CDH23: variants seen among roughly 807,000 people sequenced by gnomAD.
CDH23 encodes the protein cadherin-23.
A neutral mutation model predicts 317.1 loss-of-function variants in CDH23; 189 were observed. The ratio of observed to expected loss-of-function variants is 0.60; its 90% CI spans 0.53 to 0.67. The LOEUF is 0.67. CDH23 is among the 30% of genes least tolerant of loss of function. The probability of loss-of-function intolerance (pLI) is 0.00; values close to 1 mark genes in which losing one functional copy is unlikely to be tolerated. For synonymous variants in CDH23, 1,839 were observed against 1,876.8 expected (o/e 0.98, Z 0.52); for missense variants, 4,401 against 4,592.4 (o/e 0.96, Z 1.20).
chr10:71,443,367 G>T (rs1329110456), intron 2 of CDH23, among the ~76,000 whole-genome samples: 1 of 152,218 alleles, frequency 6.6e-6, no homozygotes, highest in African/African-American at 2.4e-5. Flanking sequence ...TCCCAGATCA[G>T]GTCCCCTGGA....
At chr10:71,480,973 T>C (rs1363902568) in intron 3 of CDH23, among the ~76,000 whole-genome samples, 1 of 152,152 alleles carries the variant, frequency 6.6e-6, no homozygotes, top group South Asian at 2.1e-4. Flanking sequence ...AGTTCCATTT[T>C]AGACTTGCTG....
At chr10:71,448,032 G>A (rs1850254496) in intron 3 of CDH23, among the ~76,000 whole-genome samples, 1 of 152,206 alleles carries the variant, frequency 6.6e-6, no homozygotes, top group African/African-American at 2.4e-5. Flanking sequence ...GAGCAGGTGG[G>A]CCACTGAGGC....
chr10:71,754,773 G>A (rs1299338044), intron 38 of CDH23, among the ~76,000 whole-genome samples: 1 of 152,106 alleles, frequency 6.6e-6, no homozygotes, highest in African/African-American at 2.4e-5. Flanking sequence ...TTTATTATAT[G>A]GTGGACTTCT....
intron 6 of CDH23, among the ~76,000 whole-genome samples, chr10:71,543,425 T>C (rs1856095190): frequency 6.6e-6 from 1 of 152,226 alleles, no homozygotes; most frequent in African/African-American, 2.4e-5. Flanking sequence ...CTGATGGTAA[T>C]GACCTCTCCA....
intron 43 of CDH23, 89 bp from the exon 44 acceptor site, chr10:71,785,542 G>T (rs990851602): frequency 4.4e-5 from 38 of 866,646 alleles, no homozygotes; most frequent in Non-Finnish European, 6.4e-5. Flanking sequence ...GGCAATTTAG[G>T]GAGGCCAAGC....
chr10:71,528,088 G>A (rs1855144219), intron 6 of CDH23, among the ~76,000 whole-genome samples: 1 of 152,192 alleles, frequency 6.6e-6, no homozygotes, highest in East Asian at 1.9e-4. Context: ...CAAAGGGTGT[G>A]TAATGGCATG....
Position 71,732,294 on chromosome 10 carries a change from C to T in CDH23, c.4023C>T (p.Asp1341=), listed in dbSNP as rs1331714787. ...TGCGGGTCCAGGCCTACTCCATCGACAACCTCAACCAAATCACGTACCGCT... is the reference window on the plus strand; with the variant it reads ...TGCGGGTCCAGGCCTACTCCATCGATAACCTCAACCAAATCACGTACCGCT... The part of the protein sequence containing the change: ...EIVRVQAYSI[D]NLNQITYRFN... The change falls in exon 32 of 70, where the codon GAC becomes GAT. Residue 1341 remains aspartate (D), a synonymous_variant. Coordinates refer to ENST00000224721, the MANE Select transcript of CDH23 (RefSeq NM_022124.6). The T allele has an allele frequency of 1.2e-6, 2 of 1,612,460 alleles. No homozygotes were observed. Among genetic ancestry groups the T allele is most frequent in the Non-Finnish European group, 1.7e-6 (2 of 1,179,112 alleles).
chr10:71,702,027 G>A lies in CDH23; in HGVS notation c.2403G>A (p.Val801=), dbSNP rs1865607505. The change falls in exon 23 of 70, where the codon GTG becomes GTA. Residue 801 remains valine (V), a synonymous_variant. Transcript: ENST00000224721. ...TPPDSDVTTV[V]AVDPDLGENG... ...GTCTGCTCCCTCCCGGGCAGGTGGT[G>A]GCTGTTGACCCAGACCTGGGGGAGA... 1.9e-6 allele frequency: 3 copies of A among 1,613,590 alleles called. No individual in the cohort carries two copies. Among genetic ancestry groups the A allele is most frequent in the Non-Finnish European group, 2.5e-6 (3 of 1,179,872 alleles).
At chr10:71,780,501 C>T (rs1483739157) in intron 41 of CDH23, among the ~76,000 whole-genome samples, 1 of 152,124 alleles carries the variant, frequency 6.6e-6, no homozygotes, top group Non-Finnish European at 1.5e-5. Context: ...TGGAAAGGCA[C>T]TGAGGTTGGA....
chr10:71,695,569 A>C, intron 22 of CDH23, 44 bp downstream of exon 22: 1 of 1,391,950 alleles, frequency 7.2e-7, no homozygotes, highest in Non-Finnish European at 1.0e-6. Context: ...GGCCCTTCCC[A>C]GGGGTCTGTG....
intron 11 of CDH23, among the ~76,000 whole-genome samples, chr10:71,627,696 G>A (rs12246759): frequency 0.067 from 10,227 of 152,162 alleles, 1,142 homozygotes; most frequent in African/African-American, 0.23. Context: ...CATCTTTCAT[G>A]TTGGATTTGG....
chr10:71,658,861 T>A (rs1281920240), intron 14 of CDH23, among the ~76,000 whole-genome samples: 1 of 151,966 alleles, frequency 6.6e-6, no homozygotes, highest in East Asian at 1.9e-4. Context: ...CCTTTTGGAG[T>A]CAGCTGTCTC....
intron 3 of CDH23, among the ~76,000 whole-genome samples, chr10:71,491,053 T>C (rs1852628191): frequency 6.6e-6 from 1 of 152,176 alleles, no homozygotes; most frequent in Non-Finnish European, 1.5e-5. Flanking sequence ...TAACCAGTCT[T>C]GGCTCCCCCA....
At chr10:71,695,591 GC>G in intron 22 of CDH23, 66 bp downstream of exon 22, 7 of 1,127,128 alleles carry the variant, frequency 6.2e-6, no homozygotes, top group Non-Finnish European at 9.4e-6. Flanking sequence ...CCCTCCCACT[GC>G]GATTCCAGGG....
intron 48 of CDH23, among the ~76,000 whole-genome samples, chr10:71,794,984 T>C (rs1841361453): frequency 6.6e-6 from 1 of 151,968 alleles, no homozygotes. Flanking sequence ...TGAGAAGCAA[T>C]AAATTAGACA....
At chr10:71,666,752 C>T (rs970860521) in intron 14 of CDH23, among the ~76,000 whole-genome samples, 5 of 152,182 alleles carry the variant, frequency 3.3e-5, no homozygotes, top group African/African-American at 7.2e-5. Context: ...GTGGAGGTCA[C>T]CCTGGCCTCT....
At chr10:71,616,199 T>A (rs1861181971) in intron 10 of CDH23, among the ~76,000 whole-genome samples, 1 of 152,200 alleles carries the variant, frequency 6.6e-6, no homozygotes, top group Non-Finnish European at 1.5e-5. Context: ...CGTTTAGGGG[T>A]ATGGATCCTG....
At chr10:71,604,172 C>T (rs957149904) in intron 9 of CDH23, among the ~76,000 whole-genome samples, 1 of 152,142 alleles carries the variant, frequency 6.6e-6, no homozygotes, top group Non-Finnish European at 1.5e-5. Context: ...ATCTAAGCAA[C>T]ATGGGAGGCT....
At chr10:71,424,724 C>T (rs1848976800) in intron 1 of CDH23, among the ~76,000 whole-genome samples, 1 of 152,246 alleles carries the variant, frequency 6.6e-6, no homozygotes, top group South Asian at 2.1e-4. Context: ...GTCCGCCAGG[C>T]TCTGGGCAGG....
Sources: gnomAD v4.1 joint callset for allele counts (sites outside exome capture counted in the v4.1 genomes callset) on GRCh38, gnomAD v4.1.1 for gene constraint, MANE v1.5 for transcripts, NCBI Gene and HGNC (gene_info 2026-07-23, HGNC 2026-07-21) for gene names.